The following DYNAP variants were observed in gnomAD, a reference collection of about 807,000 sequenced individuals.
DYNAP encodes the protein dynactin-associated protein.
Under a neutral mutation model 8.5 loss-of-function variants are expected in DYNAP, and 7 were observed. That is an observed-to-expected ratio of 0.82 (90% CI 0.47 to 1.54). The LOEUF (loss-of-function observed/expected upper bound fraction) is 1.54. Ranked by LOEUF, DYNAP falls within the 40% of genes most tolerant of loss-of-function variation. The pLI is 0.01. For missense variants in DYNAP, 256 were observed against 224.3 expected, an observed-to-expected ratio of 1.14 and a Z score of -0.90; for synonymous variants, 77 against 77.9, an observed-to-expected ratio of 0.99 and a Z score of 0.06.
chr18:54,584,289 ATAAT>A (rs1213563245), upstream of DYNAP, among the ~76,000 whole-genome samples: 5 of 148,292 alleles, frequency 3.4e-5, no homozygotes, highest in Non-Finnish European at 6.0e-5. Context: ...ATATTAATTA[ATAAT>A]TAATATAAAT....
intron 2 of DYNAP, among the ~76,000 whole-genome samples, chr18:54,596,247 A>AT (rs924518479): frequency 9.3e-5 from 14 of 150,848 alleles, no homozygotes; most frequent in African/African-American, 3.4e-4. Context: ...TAATTTTTTA[A>AT]TTTTTTGTAG....
chr18:54,585,934 G>A (rs1428500121), upstream of DYNAP, among the ~76,000 whole-genome samples: 3 of 152,076 alleles, frequency 2.0e-5, no homozygotes, highest in African/African-American at 7.2e-5. Context: ...ACTGTACACC[G>A]AGCCTGGCTA....
chr18:54,592,396 A>G (rs1325549494), intron 1 of DYNAP, among the ~76,000 whole-genome samples: 2 of 152,160 alleles, frequency 1.3e-5, no homozygotes, highest in African/African-American at 2.4e-5. Context: ...ATATATCTGG[A>G]TAGCTGACTA....
At position 54,595,029 on chromosome 18, in the gene DYNAP, T is replaced by G. The variant is rs761786366; in HGVS notation, c.148T>G (p.Leu50Val). The stretch of plus-strand genomic sequence containing the variant: ...TATAACCAGTGATGTCTCTCCCAAC[T>G]TAACTGGGGTCTGCGTGAACCCAGG... ...NDITSDVSPN[L>V]TGVCVNPGIL... The change falls in exon 2 of 3, where the codon TTA (leucine) becomes GTA (valine). Residue 50 changes from leucine (L) to valine (V), a missense_variant. Leu to Val is a conservative substitution (Grantham distance 32). Transcript: ENST00000648945. The G allele has an allele frequency of 6.2e-7, 1 of 1,612,884 alleles. No homozygotes were observed. Among genetic ancestry groups the G allele is most frequent in the Non-Finnish European group, 8.5e-7 (1 of 1,179,188 alleles).
chr18:54,577,931 T>C, the DYNAP span, among the ~76,000 whole-genome samples: 1 of 140,950 alleles, frequency 7.1e-6, no homozygotes, highest in East Asian at 2.0e-4. Flanking sequence ...GCCACTGCAC[T>C]CCAGCCTGGG....
chr18:54,582,300 T>C, the DYNAP span, among the ~76,000 whole-genome samples: 1 of 151,852 alleles, frequency 6.6e-6, no homozygotes, highest in African/African-American at 2.4e-5. Flanking sequence ...AAAAAAGAAA[T>C]GATCCAAGTC....
At chr18:54,597,713 C>G (rs935294377) in intron 2 of DYNAP, 100 bp from the exon 3 acceptor site, 8 of 1,231,280 alleles carry the variant, frequency 6.5e-6, no homozygotes, top group Non-Finnish European at 8.9e-6. Flanking sequence ...CATAGTGACT[C>G]AAATGATGTT....
upstream of DYNAP, among the ~76,000 whole-genome samples, chr18:54,588,275 G>A (rs147706974): frequency 2.3e-3 from 349 of 150,712 alleles, 4 homozygotes; most frequent in South Asian, 0.029. Context: ...AGCAGATCTC[G>A]GCTCACTGCA....
At chr18:54,595,660 CT>C (rs1911258748) in intron 2 of DYNAP, among the ~76,000 whole-genome samples, 1 of 152,132 alleles carries the variant, frequency 6.6e-6, no homozygotes, top group African/African-American at 2.4e-5. Context: ...GGAGACCAGA[CT>C]CAGCTCTCCT....
intron 2 of DYNAP, among the ~76,000 whole-genome samples, chr18:54,597,291 C>G (rs903863147): frequency 6.6e-6 from 1 of 152,018 alleles, no homozygotes; most frequent in African/African-American, 2.4e-5. Context: ...GGTAGTGAGA[C>G]TGCTCTGCAT....
At chr18:54,587,641 C>T (rs1055837596), upstream of DYNAP, 2 of 372,918 alleles carry the variant, frequency 5.4e-6, no homozygotes, top group African/African-American at 4.2e-5. Context: ...AAATTTATGC[C>T]AAACATACAA....
rs905366133 is a variant in DYNAP at position 54,598,065 on chromosome 18, A to C, written c.475A>C (p.Thr159Pro). 6.2e-7 allele frequency: 1 copy of C among 1,612,306 alleles called. No individual in the cohort carries two copies. Among genetic ancestry groups the C allele is most frequent in the African/African-American group, 1.3e-5 (1 of 74,714 alleles). Residue 159 changes from threonine (T) to proline (P), a missense_variant, in exon 3 of 3, where the codon ACT (threonine) becomes CCT (proline). Thr to Pro is a conservative substitution (Grantham distance 38). Transcript: ENST00000648945. ...TTSTVPASTA[T>P]ESTTSTATAA... The stretch of plus-strand genomic sequence containing the variant: ...TTCAACTGTACCTGCAAGTACAGCC[A>C]CTGAATCTACAACTTCAACAGCTAC...
intron 1 of DYNAP, among the ~76,000 whole-genome samples, chr18:54,592,108 G>A (rs926715894): frequency 1.3e-5 from 2 of 152,088 alleles, no homozygotes; most frequent in Non-Finnish European, 2.9e-5. Flanking sequence ...AACCAAAGAA[G>A]AAAGTCCTGT....
Position 54,597,983 on chromosome 18 carries a change from T to C in DYNAP, c.393T>C (p.Cys131=). The C allele has an allele frequency of 8.1e-6, 13 of 1,613,586 alleles. No homozygotes were observed. The highest frequency in any genetic ancestry group is 1.1e-5 in the Non-Finnish European group (13 of 1,179,768). Residue 131 remains cysteine, a synonymous_variant, in exon 3 of 3, where the codon TGT becomes TGC. Coordinates refer to ENST00000648945, the MANE Select transcript of DYNAP (RefSeq NM_173629.3). ...AGCTATCCACAAATGATGGAGAGTG[T>C]GTGACTGTCAAACCTGGAACACCCT... The part of the protein sequence containing the change: ...VIQLSTNDGE[C]VTVKPGTPSP...
chr18:54,576,499 T>C, the DYNAP span, among the ~76,000 whole-genome samples: 2 of 152,050 alleles, frequency 1.3e-5, no homozygotes, highest in Non-Finnish European at 1.5e-5. Flanking sequence ...ATAAGCATTT[T>C]CCAAAAAGAA....
intron 1 of DYNAP, among the ~76,000 whole-genome samples, chr18:54,593,491 T>C (rs1568241440): frequency 6.6e-6 from 1 of 152,206 alleles, no homozygotes; most frequent in Non-Finnish European, 1.5e-5. Flanking sequence ...TGAGCAAATC[T>C]GTAAGTGGGT....
chr18:54,586,852 C>T (rs555392416), upstream of DYNAP, among the ~76,000 whole-genome samples: 33 of 152,258 alleles, frequency 2.2e-4, no homozygotes, highest in Admixed American at 5.2e-4. Flanking sequence ...GGGACATAAA[C>T]GTTTCTATAA....
At chr18:54,575,742 CTCTT>C in the DYNAP span, among the ~76,000 whole-genome samples, 1 of 151,918 alleles carries the variant, frequency 6.6e-6, no homozygotes, top group African/African-American at 2.4e-5. Flanking sequence ...GGTACCTGGC[CTCTT>C]TCTTTATTTT....
chr18:54,585,489 G>A (rs1294075345), upstream of DYNAP, among the ~76,000 whole-genome samples: 1 of 151,974 alleles, frequency 6.6e-6, no homozygotes, highest in African/African-American at 2.4e-5. Flanking sequence ...ACTTCATGGT[G>A]GTCTTTGCTT....
Sources: allele counts gnomAD v4.1 joint callset (sites outside exome capture counted in the v4.1 genomes callset), GRCh38; gene constraint gnomAD v4.1.1; transcripts MANE v1.5; gene names NCBI Gene and HGNC (gene_info 2026-07-23, HGNC 2026-07-21).